The following PI4KA variants were observed in gnomAD, a reference collection of about 807,000 sequenced individuals.
PI4KA encodes the protein PI4-kinase alpha.
Under a neutral mutation model 271.4 loss-of-function variants are expected in PI4KA, and 122 were observed. The observed-to-expected ratio is 0.45, with a 90% confidence interval of 0.39 to 0.52. The LOEUF (loss-of-function observed/expected upper bound fraction) is 0.52. PI4KA is among the 20% of genes least tolerant of loss of function. The pLI is 0.00. For synonymous variants in PI4KA, 1,041 were observed against 1,078.8 expected (o/e 0.96, Z 0.69); for missense variants, 1,969 against 2,769.1 (o/e 0.71, Z 6.48).
chr22:20,751,676 C>T lies in PI4KA; in HGVS notation c.3067G>A (p.Ala1023Thr), dbSNP rs754184798. 7 of 1,611,920 alleles carry T rather than the reference C, an allele frequency of 4.3e-6. No individual in the cohort carries two copies. In the East Asian group the frequency reaches 8.9e-5, roughly 21 times the overall value. Residue 1023 changes from alanine to threonine, a missense_variant and splice_region_variant, in exon 26 of 55, where the codon GCT becomes ACT. Ala to Thr is a moderately conservative substitution (Grantham distance 58). This residue lies in a region of PI4KA where 368 missense variants were observed against 544.3 expected (regional missense o/e 0.68). Transcript: ENST00000255882. The stretch of plus-strand genomic sequence containing the variant: ...CTAGGTCTCCTGGGGACACTCACAG[C>T]GCTCAGTGACAGTGACAGGGTCTGC... ...ILQTLSLSLS[A>T]DIHKDQPYYD...
chr22:20,818,676 C>T, intron 6 of PI4KA, 127 bp from the exon 7 acceptor site: 2 of 594,234 alleles, frequency 3.4e-6, no homozygotes, highest in Non-Finnish European at 5.6e-6. Flanking sequence ...GCCTCATTTC[C>T]TTCCTAAAGC....
intron 19 of PI4KA, chr22:20,784,058 A>C: frequency 6.2e-7 from 1 of 1,614,194 alleles, no homozygotes; most frequent in Non-Finnish European, 8.5e-7. Flanking sequence ...GGTTTCCATG[A>C]TGCAGACCAA....
chr22:20,779,698 T>G, intron 19 of PI4KA: 1 of 1,614,242 alleles, frequency 6.2e-7, no homozygotes, highest in Admixed American at 1.7e-5. Context: ...CTTAACATCC[T>G]CAACGCCAAG....
chr22:20,783,741 G>A (rs1194182789), intron 19 of PI4KA, among the ~76,000 whole-genome samples: 1 of 152,154 alleles, frequency 6.6e-6, no homozygotes. Flanking sequence ...CAACTAGTTC[G>A]TATCAGACCC....
intron 19 of PI4KA, among the ~76,000 whole-genome samples, chr22:20,766,017 TCA>T (rs1932493692): frequency 1.3e-5 from 2 of 152,164 alleles, no homozygotes; most frequent in Non-Finnish European, 1.5e-5. Context: ...GTCATGGGTC[TCA>T]GAGTTAACAT....
chr22:20,761,232 A>T, intron 23 of PI4KA, 72 bp downstream of exon 23: 1 of 837,056 alleles, frequency 1.2e-6, no homozygotes, highest in South Asian at 1.4e-5. Context: ...TAGACAGAAA[A>T]GAGGAAGTAG....
At chr22:20,790,699 AACACACACACACACACACACACAC>A (rs362174) in intron 19 of PI4KA, among the ~76,000 whole-genome samples, 3 of 139,310 alleles carry the variant, frequency 2.2e-5, no homozygotes, top group African/African-American at 5.3e-5. Context: ...AAAAAAAACA[AACACACACACACACACACACACAC>A]ACACACACAC....
chr22:20,799,423 C>T, intron 15 of PI4KA, 147 bp from the exon 16 acceptor site: 1 of 824,434 alleles, frequency 1.2e-6, no homozygotes, highest in Non-Finnish European at 1.8e-6. Flanking sequence ...GGATTTTAAC[C>T]ACGGGCAGAA....
intron 13 of PI4KA, 109 bp from the exon 14 acceptor site, chr22:20,802,214 T>C (rs1371591856): frequency 3.3e-6 from 3 of 911,222 alleles, no homozygotes; most frequent in East Asian, 5.1e-5. Flanking sequence ...AAAAGCAAAA[T>C]GATCACTCTA....
intron 22 of PI4KA, among the ~76,000 whole-genome samples, chr22:20,762,298 G>C (rs879942070): frequency 6.6e-6 from 1 of 152,138 alleles, no homozygotes. Context: ...ACACGCATTC[G>C]AGTGTGCACG....
Position 20,813,457 on chromosome 22 carries a change from T to G in PI4KA, c.906A>C (p.Ser302=). The G allele has an allele frequency of 6.2e-7, 1 of 1,613,940 alleles. No individual in the cohort carries two copies. The highest frequency in any genetic ancestry group is 8.5e-7 in the Non-Finnish European group (1 of 1,179,874). Residue 302 remains serine (S), a synonymous_variant, in exon 8 of 55, where the codon TCA becomes TCC. Coordinates refer to ENST00000255882, the MANE Select transcript of PI4KA (RefSeq NM_058004.4). ...GTALEPEYYF[S]TISSSFSVSP... ...AGACTGAGAAGCTGGAGCTGATGGTTGAAAAGTAGTACTCAGGCTCTAGGG... is the reference window on the plus strand; with the variant it reads ...AGACTGAGAAGCTGGAGCTGATGGTGGAAAAGTAGTACTCAGGCTCTAGGG...
At chr22:20,817,438 A>C (rs568432492) in intron 7 of PI4KA, among the ~76,000 whole-genome samples, 1 of 152,134 alleles carries the variant, frequency 6.6e-6, no homozygotes, top group Admixed American at 6.6e-5. Flanking sequence ...GCAGAGCTCT[A>C]TAAAAAGTAG....
chr22:20,820,430 T>C, intron 5 of PI4KA, 109 bp downstream of exon 5: 1 of 741,658 alleles, frequency 1.3e-6, no homozygotes. Context: ...ATAGGAAGGT[T>C]TTCTCCCATC....
At chr22:20,832,297 G>A (rs1452229553) in intron 3 of PI4KA, among the ~76,000 whole-genome samples, 1 of 150,732 alleles carries the variant, frequency 6.6e-6, no homozygotes, top group Non-Finnish European at 1.5e-5. Flanking sequence ...TTGTATTTTT[G>A]GTAAAGATGG....
chr22:20,743,453 A>AT (rs1929697337), intron 30 of PI4KA, among the ~76,000 whole-genome samples: 2 of 149,040 alleles, frequency 1.3e-5, no homozygotes, highest in African/African-American at 5.1e-5. Flanking sequence ...CCTCCTTACT[A>AT]TTATTAATAA....
chr22:20,750,482 C>A (rs1292295890), intron 27 of PI4KA, among the ~76,000 whole-genome samples: 1 of 152,230 alleles, frequency 6.6e-6, no homozygotes, highest in Non-Finnish European at 1.5e-5. Context: ...ACTAGCACAG[C>A]CACTAAGTTT....
intron 13 of PI4KA, among the ~76,000 whole-genome samples, chr22:20,802,741 G>A (rs1356091433): frequency 3.3e-5 from 5 of 152,174 alleles, no homozygotes; most frequent in Non-Finnish European, 7.3e-5. Flanking sequence ...TCATCTGAAG[G>A]GGAAGATAAA....
intron 3 of PI4KA, among the ~76,000 whole-genome samples, chr22:20,824,734 A>T (rs751840938): frequency 5.2e-4 from 16 of 30,596 alleles, no homozygotes; most frequent in South Asian, 1.7e-3. Context: ...GTGATAAATC[A>T]CACACACACA....
chr22:20,769,773 A>T (rs1932792160), intron 19 of PI4KA, among the ~76,000 whole-genome samples: 2 of 152,172 alleles, frequency 1.3e-5, no homozygotes, highest in South Asian at 2.1e-4. Context: ...AACCCTGACC[A>T]GATAAAAATT....
Sources: allele counts gnomAD v4.1 joint callset (sites outside exome capture counted in the v4.1 genomes callset), GRCh38; gene constraint gnomAD v4.1.1; regional missense constraint gnomAD v4.1.1; transcripts MANE v1.5; gene names NCBI Gene and HGNC (gene_info 2026-07-23, HGNC 2026-07-21).